PACRG: variants seen among roughly 807,000 people sequenced by gnomAD.
PACRG encodes the protein parkin coregulated gene protein.
In PACRG, 29 loss-of-function variants were observed where a neutral mutation model predicts 29.7. The ratio of observed to expected loss-of-function variants is 0.98; its 90% CI spans 0.73 to 1.33. The LOEUF (loss-of-function observed/expected upper bound fraction) is 1.33. Ranked by LOEUF, PACRG falls within the 40% of genes most tolerant of loss-of-function variation. The pLI is 0.00. For missense variants in PACRG, 279 were observed against 316.2 expected (o/e 0.88, Z 0.89); for synonymous variants, 116 against 118.7 (o/e 0.98, Z 0.15).
At chr6:162,980,757 A>G (rs1802342855) in intron 2 of PACRG, among the ~76,000 whole-genome samples, 1 of 152,190 alleles carries the variant, frequency 6.6e-6, no homozygotes, top group Non-Finnish European at 1.5e-5. Context: ...AATATTGGCA[A>G]TGTATGGCCC....
chr6:163,034,523 C>G (rs998354517), intron 2 of PACRG, among the ~76,000 whole-genome samples: 9 of 152,142 alleles, frequency 5.9e-5, no homozygotes, highest in African/African-American at 2.2e-4. Flanking sequence ...AGAGGGGCCT[C>G]TAACCCACTC....
At chr6:163,250,190 G>A (rs545888596) in intron 4 of PACRG, among the ~76,000 whole-genome samples, 1 of 152,326 alleles carries the variant, frequency 6.6e-6, no homozygotes, top group East Asian at 1.9e-4. Flanking sequence ...TAAGAACAGA[G>A]GTAACAAAGC....
chr6:163,059,184 A>G (rs148293643), intron 2 of PACRG, among the ~76,000 whole-genome samples: 1,620 of 152,258 alleles, frequency 0.011, 14 homozygotes, highest in Non-Finnish European at 0.017. Context: ...AGATGTAGAG[A>G]TAATTTCTTT....
chr6:163,245,865 A>C (rs1193572959), intron 4 of PACRG, among the ~76,000 whole-genome samples: 2 of 152,136 alleles, frequency 1.3e-5, no homozygotes, highest in Non-Finnish European at 2.9e-5. Context: ...TCTATGATTT[A>C]CCAAGAACCG....
At chr6:163,135,389 A>G (rs942891326) in intron 4 of PACRG, among the ~76,000 whole-genome samples, 5 of 152,078 alleles carry the variant, frequency 3.3e-5, no homozygotes, top group South Asian at 2.1e-4. Context: ...GGGTTTCACC[A>G]TATTGGCCAG....
At chr6:163,113,995 A>AC (rs1815848249) in intron 4 of PACRG, among the ~76,000 whole-genome samples, 1 of 152,214 alleles carries the variant, frequency 6.6e-6, no homozygotes, top group African/African-American at 2.4e-5. Flanking sequence ...TCGATAACTG[A>AC]TCCCAACACT....
intron 4 of PACRG, chr6:163,090,232 CTT>C (rs1212437661): frequency 5.9e-5 from 9 of 152,260 alleles, no homozygotes; most frequent in Admixed American, 5.9e-4. Flanking sequence ...CACAAACAGA[CTT>C]TTGTTTGGAA....
intron 1 of PACRG, among the ~76,000 whole-genome samples, chr6:162,749,470 C>G (rs1185581220): frequency 1.3e-5 from 2 of 152,146 alleles, no homozygotes; most frequent in Non-Finnish European, 2.9e-5. Flanking sequence ...TATAATCCTG[C>G]TTATTACATG....
chr6:163,293,446 T>G (rs1231728465), intron 4 of PACRG, among the ~76,000 whole-genome samples: 2 of 152,198 alleles, frequency 1.3e-5, no homozygotes, highest in African/African-American at 2.4e-5. Flanking sequence ...CCTCCTGTGC[T>G]TATTTCTAAG....
At chr6:162,849,250 CAT>C (rs982165284) in intron 2 of PACRG, among the ~76,000 whole-genome samples, 3 of 152,148 alleles carry the variant, frequency 2.0e-5, no homozygotes, top group African/African-American at 4.8e-5. Flanking sequence ...TAATCACACA[CAT>C]GTAAAGGAGT....
At chr6:162,988,634 A>C (rs1222153443) in intron 2 of PACRG, among the ~76,000 whole-genome samples, 1 of 152,166 alleles carries the variant, frequency 6.6e-6, no homozygotes. Context: ...TAATGAGGTA[A>C]TCCTGTTTCT....
intron 4 of PACRG, among the ~76,000 whole-genome samples, chr6:163,249,832 G>T (rs1782835093): frequency 6.6e-6 from 1 of 152,200 alleles, no homozygotes; most frequent in Admixed American, 6.5e-5. Flanking sequence ...AAAGGCTGTT[G>T]TTTAAATTGG....
chr6:163,003,833 G>A (rs1371994396), intron 2 of PACRG, among the ~76,000 whole-genome samples: 1 of 152,134 alleles, frequency 6.6e-6, no homozygotes, highest in African/African-American at 2.4e-5. Flanking sequence ...AGATAGCATT[G>A]CACCCCCATT....
chr6:163,300,908 C>T (rs1388649473), intron 4 of PACRG, among the ~76,000 whole-genome samples: 1 of 147,780 alleles, frequency 6.8e-6, no homozygotes, highest in South Asian at 2.2e-4. Flanking sequence ...CCACTGCTTC[C>T]CATGAGTTTA....
intron 4 of PACRG, among the ~76,000 whole-genome samples, chr6:163,198,873 C>A (rs6937131): frequency 6.6e-6 from 1 of 152,126 alleles, no homozygotes; most frequent in East Asian, 1.9e-4. Flanking sequence ...TCAGTCAGTA[C>A]ATGTGAGAAG....
intron 1 of PACRG, among the ~76,000 whole-genome samples, chr6:162,754,075 A>G (rs920571098): frequency 2.4e-4 from 37 of 152,156 alleles, no homozygotes; most frequent in Admixed American, 3.3e-4. Context: ...ATTTCTCATA[A>G]TGGCAATACT....
chr6:162,855,730 C>T (rs564542811), intron 2 of PACRG, among the ~76,000 whole-genome samples: 2 of 152,312 alleles, frequency 1.3e-5, no homozygotes, highest in Admixed American at 1.3e-4. Flanking sequence ...AGCTTCCCAG[C>T]GCCCCAACTC....
chr6:162,932,722 TAA>T (rs1797940330), intron 2 of PACRG, among the ~76,000 whole-genome samples: 1 of 151,974 alleles, frequency 6.6e-6, no homozygotes, highest in African/African-American at 2.4e-5. Flanking sequence ...TCATATTTGT[TAA>T]GTGTCCTTTT....
chr6:163,031,656 T>A (rs1807676342), intron 2 of PACRG, among the ~76,000 whole-genome samples: 1 of 152,234 alleles, frequency 6.6e-6, no homozygotes, highest in Non-Finnish European at 1.5e-5. Context: ...ACATAAGCTC[T>A]TTTTAAATTG....
Sources: gnomAD v4.1 joint callset for allele counts (sites outside exome capture counted in the v4.1 genomes callset) on GRCh38, gnomAD v4.1.1 for gene constraint, MANE v1.5 for transcripts, NCBI Gene and HGNC (gene_info 2026-07-23, HGNC 2026-07-21) for gene names.